Variants in CALN1 observed in about 807,000 individuals in gnomAD.
CALN1 encodes calneuron 1.
In CALN1, 17 loss-of-function variants were observed where a neutral mutation model predicts 30.6. That is an observed-to-expected ratio of 0.56 (90% CI 0.38 to 0.83). The LOEUF is 0.83. Among genes scored for constraint, CALN1 ranks in the 40% least tolerant of loss-of-function variants. The pLI is 0.00. For synonymous variants in CALN1, 156 were observed against 131.4 expected (o/e 1.19, Z -1.28); for missense variants, 291 against 354.9 (o/e 0.82, Z 1.45).
chr7:72,043,506 T>C lies in CALN1; in HGVS notation c.389-19737A>G, dbSNP rs568977870. 6.6e-5 allele frequency among the ~76,000 whole-genome samples: 10 copies of C among 152,320 alleles called. No homozygotes were observed. In the South Asian group the frequency reaches 1.0e-3, roughly 16 times the overall value. Reference sequence around the variant, plus strand: ...AAATCAAGCCAGGCATGGTGGCTCATGCCTATAATCCCAATAAGTTGTGAG... The same window carrying C: ...AAATCAAGCCAGGCATGGTGGCTCACGCCTATAATCCCAATAAGTTGTGAG... On this transcript the variant is annotated intron_variant, in intron 4 of 6. Transcript: ENST00000395275.
intron 3 of CALN1, among the ~76,000 whole-genome samples, chr7:72,198,422 T>C (rs959033849): frequency 2.6e-5 from 4 of 152,222 alleles, no homozygotes; most frequent in Non-Finnish European, 5.9e-5. Flanking sequence ...AACATCACTG[T>C]TATCAAGCCA....
chr7:72,215,475 T>A (rs1341109717), intron 3 of CALN1, among the ~76,000 whole-genome samples: 1 of 150,882 alleles, frequency 6.6e-6, no homozygotes, highest in African/African-American at 2.4e-5. Flanking sequence ...ATGCCTGTAA[T>A]CCCAGCTACT....
chr7:71,812,244 T>G (rs2116218535), intron 5 of CALN1, among the ~76,000 whole-genome samples: 1 of 152,320 alleles, frequency 6.6e-6, no homozygotes, highest in African/African-American at 2.4e-5. Context: ...GGGGCTTGTT[T>G]GCTACGGCAG....
chr7:72,122,065 G>A (rs554769450), intron 3 of CALN1, among the ~76,000 whole-genome samples: 1 of 151,950 alleles, frequency 6.6e-6, no homozygotes, highest in African/African-American at 2.4e-5. Flanking sequence ...ATCTTCTCAG[G>A]GAAAATTAGA....
chr7:72,153,331 G>A (rs1787399843), intron 3 of CALN1, among the ~76,000 whole-genome samples: 1 of 152,074 alleles, frequency 6.6e-6, no homozygotes, highest in Non-Finnish European at 1.5e-5. Flanking sequence ...TAGGGCAGAC[G>A]TGGTGGCAGG....
chr7:72,062,463 G>A (rs1427970232), intron 4 of CALN1, among the ~76,000 whole-genome samples: 1 of 131,724 alleles, frequency 7.6e-6, no homozygotes, highest in African/African-American at 2.9e-5. Context: ...AGTGAGCCAA[G>A]ATCATGCCAC....
At chr7:72,387,584 T>C (rs1219386119) in intron 2 of CALN1, among the ~76,000 whole-genome samples, 1 of 152,080 alleles carries the variant, frequency 6.6e-6, no homozygotes, top group African/African-American at 2.4e-5. Flanking sequence ...CCTTCCCCTC[T>C]GTGATCTTCC....
intron 3 of CALN1, among the ~76,000 whole-genome samples, chr7:72,202,210 C>T (rs562622637): frequency 5.3e-5 from 8 of 151,860 alleles, no homozygotes; most frequent in Non-Finnish European, 1.0e-4. Flanking sequence ...AGACTGATAC[C>T]GCAGGAAAAT....
chr7:71,945,033 C>G (rs1796335921), intron 5 of CALN1, among the ~76,000 whole-genome samples: 1 of 152,136 alleles, frequency 6.6e-6, no homozygotes, highest in Non-Finnish European at 1.5e-5. Context: ...GTCATAGGGG[C>G]GGATCCCTCA....
At chr7:71,831,763 G>A (rs60401333) in intron 5 of CALN1, among the ~76,000 whole-genome samples, 5,578 of 148,382 alleles carry the variant, frequency 0.038, 362 homozygotes, top group African/African-American at 0.13. Flanking sequence ...GTGGCAGCAC[G>A]CACCTGTAGT....
intron 1 of CALN1, among the ~76,000 whole-genome samples, chr7:72,434,358 A>C (rs1808071022): frequency 6.6e-6 from 1 of 151,072 alleles, no homozygotes; most frequent in Middle Eastern, 3.2e-3. Context: ...CAAAAAAAAA[A>C]AAAACAAAAA....
chr7:71,944,556 T>G (rs1326845408), intron 5 of CALN1, among the ~76,000 whole-genome samples: 2 of 125,450 alleles, frequency 1.6e-5, no homozygotes, highest in Non-Finnish European at 3.1e-5. Context: ...ATCGTGCCAT[T>G]GCACTCCAGC....
At position 72,154,936 on chromosome 7, in the gene CALN1, A is replaced by G. The variant is rs531600381; in HGVS notation, c.245-48642T>C. Among the ~76,000 whole-genome samples the G allele has an allele frequency of 2.0e-5, 3 of 151,922 alleles. No individual in the cohort carries two copies. The South Asian group carries it at 6.3e-4, about 32-fold the overall frequency. On this transcript the variant is annotated intron_variant, in intron 3 of 6. Transcript: ENST00000395275. ...GCTGGGCATGGTGGTGTGTGCTTTT[A>G]GTCCCAGCTACTCAGGAGGCTGAGG...
At chr7:71,919,554 A>G (rs1166605570) in intron 5 of CALN1, among the ~76,000 whole-genome samples, 1 of 152,206 alleles carries the variant, frequency 6.6e-6, no homozygotes, top group Non-Finnish European at 1.5e-5. Context: ...GAATATTACA[A>G]TTTTAAGTGA....
chr7:72,214,293 A>G (rs1263382272), intron 3 of CALN1, among the ~76,000 whole-genome samples: 1 of 152,178 alleles, frequency 6.6e-6, no homozygotes, highest in Non-Finnish European at 1.5e-5. Context: ...CAGCCTGGCC[A>G]ACATGATGAA....
intron 2 of CALN1, among the ~76,000 whole-genome samples, chr7:72,303,753 TA>T (rs941733891): frequency 6.6e-6 from 1 of 152,068 alleles, no homozygotes; most frequent in African/African-American, 2.4e-5. Context: ...CTCACATCTG[TA>T]AACCCAACAC....
chr7:72,378,444 T>C (rs1804692900), intron 2 of CALN1, among the ~76,000 whole-genome samples: 1 of 152,172 alleles, frequency 6.6e-6, no homozygotes, highest in Admixed American at 6.5e-5. Flanking sequence ...AACAAGTTGA[T>C]TCTGACCATT....
chr7:72,484,384 G>A, the CALN1 span, among the ~76,000 whole-genome samples: 2 of 152,062 alleles, frequency 1.3e-5, no homozygotes, highest in Non-Finnish European at 1.5e-5. Context: ...TTATTCTCCT[G>A]TTGAGGAAAG....
At chr7:72,193,885 C>T (rs1790801865) in intron 3 of CALN1, among the ~76,000 whole-genome samples, 1 of 152,006 alleles carries the variant, frequency 6.6e-6, no homozygotes. Flanking sequence ...TGTATCTTCT[C>T]ACTCGTAAGT....
Sources: allele counts gnomAD v4.1 joint callset (sites outside exome capture counted in the v4.1 genomes callset), GRCh38; gene constraint gnomAD v4.1.1; transcripts MANE v1.5; gene names NCBI Gene and HGNC (gene_info 2026-07-23, HGNC 2026-07-21).